The following ETV6 variants were observed in gnomAD, a reference collection of about 807,000 sequenced individuals.
ETV6 encodes transcription factor ETV6.
Under a neutral mutation model 51.1 loss-of-function variants are expected in ETV6, and 16 were observed. The ratio of observed to expected loss-of-function variants is 0.31; its 90% confidence interval spans 0.21 to 0.48. ETV6 has a LOEUF of 0.48. Among genes scored for constraint, ETV6 ranks in the 20% least tolerant of loss-of-function variants. The probability of loss-of-function intolerance (pLI) is 0.99; values close to 1 mark genes in which losing one functional copy is unlikely to be tolerated. For missense variants in ETV6, 458 were observed against 594.8 expected, an observed-to-expected ratio of 0.77 and a Z score of 2.39; for synonymous variants, 240 against 224.1, an observed-to-expected ratio of 1.07 and a Z score of -0.64.
rs776231778 is a variant in ETV6 at position 11,883,276 on chromosome 12, C to CTTCTTCTTTTT, written c.1010-1167_1010-1166insCTTCTTTTTTT. Among the ~76,000 whole-genome samples, 221 of 79,044 alleles carry CTTCTTCTTTTT rather than the reference C, an allele frequency of 2.8e-3. 12 individuals are homozygous for CTTCTTCTTTTT. Among genetic ancestry groups the CTTCTTCTTTTT allele is most frequent in the Non-Finnish European group, 3.2e-3 (149 of 46,074 alleles). 51.9% of individuals were successfully genotyped at this position (79,044 alleles called of 152,430 possible). A position where few individuals can be genotyped will look rare whatever the true frequency, so the allele number is the denominator to read the frequency against. The stretch of plus-strand genomic sequence containing the variant: ...GGGAAGGTGTACATCATGTCTTCTT[C>CTTCTTCTTTTT]TTTTTTTTTTTTTTTTTTTTTTTTT... On this transcript the variant is annotated intron_variant, in intron 5 of 7. Transcript: ENST00000396373.
intron 2 of ETV6, among the ~76,000 whole-genome samples, chr12:11,783,273 T>C (rs766322558): frequency 6.6e-5 from 10 of 151,772 alleles, no homozygotes; most frequent in Non-Finnish European, 1.0e-4. Flanking sequence ...GAAGGAGAAT[T>C]TCAGGAAGGA....
At chr12:11,719,334 A>G (rs1288957992) in intron 1 of ETV6, among the ~76,000 whole-genome samples, 1 of 152,214 alleles carries the variant, frequency 6.6e-6, no homozygotes, top group Admixed American at 6.5e-5. Context: ...GGGCAATCTC[A>G]TGCATATTAA....
rs542569269 is a variant in ETV6 at position 11,664,615 on chromosome 12, G to A, written c.33+14455G>A. ...AAAGCCATCCAGGACTAAGGTTAGC[G>A]AACGGTGACCCTTGTTTGGTCCACG... is the stretch of plus-strand genomic sequence containing the variant. On this transcript the variant is annotated intron_variant, in intron 1 of 7. Coordinates refer to ENST00000396373, the MANE Select transcript of ETV6 (RefSeq NM_001987.5). 7.9e-5 allele frequency among the ~76,000 whole-genome samples: 12 copies of A among 152,204 alleles called. No homozygotes were observed. In the East Asian group the frequency reaches 1.2e-3, roughly 15 times the overall value.
At chr12:11,746,707 TTAATCA>T (rs976282819) in intron 1 of ETV6, among the ~76,000 whole-genome samples, 2 of 152,110 alleles carry the variant, frequency 1.3e-5, no homozygotes, top group African/African-American at 4.8e-5. Context: ...GAAATATTTC[TTAATCA>T]TAGGGAGAAA....
At chr12:11,762,713 C>A (rs1296675299) in intron 2 of ETV6, among the ~76,000 whole-genome samples, 1 of 152,116 alleles carries the variant, frequency 6.6e-6, no homozygotes, top group Non-Finnish European at 1.5e-5. Flanking sequence ...AAACTCACAC[C>A]CAAGGAAAGT....
intron 2 of ETV6, among the ~76,000 whole-genome samples, chr12:11,823,488 T>C (rs1022796764): frequency 2.7e-5 from 4 of 149,200 alleles, no homozygotes; most frequent in Non-Finnish European, 5.9e-5. Context: ...TTTTTTTGAG[T>C]TGGAGTCTGG....
At chr12:11,750,363 G>A (rs951090216) in intron 1 of ETV6, among the ~76,000 whole-genome samples, 3 of 152,198 alleles carry the variant, frequency 2.0e-5, no homozygotes, top group African/African-American at 7.2e-5. Context: ...ATGGAGGGCC[G>A]GGTTTCTCCC....
At chr12:11,733,650 T>C (rs1865646164) in intron 1 of ETV6, among the ~76,000 whole-genome samples, 1 of 152,094 alleles carries the variant, frequency 6.6e-6, no homozygotes, top group South Asian at 2.1e-4. Flanking sequence ...TTCCCCGGAA[T>C]ATTTATGGAA....
At chr12:11,761,479 C>A (rs1432858002) in intron 2 of ETV6, among the ~76,000 whole-genome samples, 1 of 152,188 alleles carries the variant, frequency 6.6e-6, no homozygotes, top group African/African-American at 2.4e-5. Flanking sequence ...ATCTACCTCA[C>A]AGATGGTTAT....
At chr12:11,696,834 A>T (rs751523596) in intron 1 of ETV6, among the ~76,000 whole-genome samples, 15 of 152,068 alleles carry the variant, frequency 9.9e-5, no homozygotes, top group Admixed American at 2.0e-4. Flanking sequence ...ATAATAATAA[A>T]AATAAATAAG....
intron 5 of ETV6, among the ~76,000 whole-genome samples, chr12:11,882,092 T>C (rs1402144847): frequency 6.6e-6 from 1 of 152,184 alleles, no homozygotes; most frequent in African/African-American, 2.4e-5. Context: ...CACTTGTCCT[T>C]TTCCAAAACA....
intron 5 of ETV6, among the ~76,000 whole-genome samples, chr12:11,875,907 G>A (rs1428016480): frequency 2.0e-5 from 3 of 152,168 alleles, no homozygotes; most frequent in African/African-American, 7.2e-5. Context: ...TTACAACAGA[G>A]ATTGCATGGC....
chr12:11,832,287 A>C (rs1391175464), intron 2 of ETV6, among the ~76,000 whole-genome samples: 1 of 152,220 alleles, frequency 6.6e-6, no homozygotes, highest in Admixed American at 6.5e-5. Context: ...GTCAGACTGA[A>C]ACAGGTAGTG....
At chr12:11,806,365 A>G (rs550554045) in intron 2 of ETV6, among the ~76,000 whole-genome samples, 4 of 152,240 alleles carry the variant, frequency 2.6e-5, no homozygotes, top group African/African-American at 7.2e-5. Flanking sequence ...GTCTAGTAAC[A>G]GGCAATTAGA....
chr12:11,749,279 T>TC (rs1465179080), intron 1 of ETV6, among the ~76,000 whole-genome samples: 3 of 135,958 alleles, frequency 2.2e-5, no homozygotes, highest in African/African-American at 8.7e-5. Context: ...AAAATCGTTA[T>TC]CCCCCCCATA....
At chr12:11,776,027 T>C (rs1227259139) in intron 2 of ETV6, among the ~76,000 whole-genome samples, 2 of 152,218 alleles carry the variant, frequency 1.3e-5, no homozygotes, top group Non-Finnish European at 1.5e-5. Flanking sequence ...AGCCTGCTAA[T>C]TGTGCTTGAT....
At chr12:11,706,895 A>C (rs1036790413) in intron 1 of ETV6, among the ~76,000 whole-genome samples, 3 of 152,196 alleles carry the variant, frequency 2.0e-5, no homozygotes, top group African/African-American at 7.2e-5. Flanking sequence ...AAAGCCCTCT[A>C]CTTCACAGCG....
chr12:11,674,724 T>C (rs1864384219), intron 1 of ETV6, among the ~76,000 whole-genome samples: 1 of 151,542 alleles, frequency 6.6e-6, no homozygotes, highest in Admixed American at 6.6e-5. Flanking sequence ...GCTTCCGCTG[T>C]TTTCCAGGAA....
intron 5 of ETV6, among the ~76,000 whole-genome samples, chr12:11,871,046 C>T (rs921822762): frequency 1.3e-5 from 2 of 152,064 alleles, no homozygotes; most frequent in Non-Finnish European, 2.9e-5. Flanking sequence ...AGAGAACGGA[C>T]CTGTTCAGGG....
Sources: allele counts gnomAD v4.1 joint callset (sites outside exome capture counted in the v4.1 genomes callset), GRCh38; gene constraint gnomAD v4.1.1; transcripts MANE v1.5; gene names NCBI Gene and HGNC (gene_info 2026-07-23, HGNC 2026-07-21).